The following CLTCL1 variants were observed in gnomAD, a reference collection of about 807,000 sequenced individuals.
CLTCL1 encodes the protein clathrin heavy chain 2.
CLTCL1 carries 159 observed loss-of-function variants against 190.0 expected under a neutral mutation model. The ratio of observed to expected loss-of-function variants is 0.84; its 90% confidence interval spans 0.74 to 0.95. The LOEUF is 0.95. Ranked by LOEUF, CLTCL1 falls within the 40% of genes least tolerant of loss-of-function variation. The pLI, the probability that CLTCL1 is intolerant of heterozygous loss-of-function variation, is 0.00. For missense variants in CLTCL1, 1,878 were observed against 2,033.4 expected, an observed-to-expected ratio of 0.92 and a Z score of 1.47; for synonymous variants, 752 against 769.6, an observed-to-expected ratio of 0.98 and a Z score of 0.38.
chr22:19,203,446 CCT>C (rs1252809440), intron 22 of CLTCL1, among the ~76,000 whole-genome samples: 4 of 152,198 alleles, frequency 2.6e-5, no homozygotes, highest in Non-Finnish European at 5.9e-5. Flanking sequence ...ACAGTTGTCC[CCT>C]GTCTTCCTAT....
Position 19,180,137 on chromosome 22 carries a change from G to T in CLTCL1, c.*20+62C>A, listed in dbSNP as rs555970939. ...GCAGGCATCCAGAGGCAAGGAGCGT[G>T]GGGTCAGCCAGAGAACCTGGCCTGG... On this transcript the variant is annotated intron_variant, in intron 32 of 32. Transcript: ENST00000427926. The T allele has an allele frequency of 5.0e-5, 72 of 1,447,880 alleles. No homozygotes were observed. In the African/African-American group the frequency reaches 9.5e-4, roughly 19 times the overall value. The allele number at this position is 1,447,880 out of a possible 1,614,324, so 89.7% of individuals were successfully genotyped here. A position where few individuals can be genotyped will look rare whatever the true frequency, so the allele number is the denominator to read the frequency against.
At chr22:19,277,232 G>A (rs1305017786) in intron 1 of CLTCL1, among the ~76,000 whole-genome samples, 2 of 152,144 alleles carry the variant, frequency 1.3e-5, no homozygotes, top group Non-Finnish European at 2.9e-5. Context: ...GCTGCTGAGT[G>A]GAGCAGGCTA....
chr22:19,250,222 C>T (rs543476845), intron 3 of CLTCL1, among the ~76,000 whole-genome samples: 9 of 151,950 alleles, frequency 5.9e-5, no homozygotes, highest in Admixed American at 2.6e-4. Context: ...CCACTGCACT[C>T]CAGCCTGGGT....
chr22:19,207,797 G>C (rs2085098386), intron 22 of CLTCL1: 4 of 597,354 alleles, frequency 6.7e-6, no homozygotes, highest in African/African-American at 1.9e-5. Flanking sequence ...GCGAGGATCT[G>C]TGTTGCATGC....
At chr22:19,216,347 A>G in intron 18 of CLTCL1, 91 bp from the exon 19 acceptor site, 2 of 1,220,772 alleles carry the variant, frequency 1.6e-6, no homozygotes, top group South Asian at 2.8e-5. Flanking sequence ...CTCCTCCAAG[A>G]TGGTCTGGAA....
At chr22:19,258,233 G>T in intron 2 of CLTCL1, 1 of 342,774 alleles carries the variant, frequency 2.9e-6, no homozygotes. Flanking sequence ...GGAGGCAGAT[G>T]TCCAAATATC....
Position 19,231,101 on chromosome 22 carries a change from C to T in CLTCL1, c.1645-1126G>A, listed in dbSNP as rs117526936. On this transcript the variant is annotated intron_variant, in intron 10 of 32. Transcript: ENST00000427926. ...ACTGAGAGTTACGCCTTCAGCTTCCCTGGTTCTGAGGCTTTCAAACTTAGA... is the reference window on the plus strand; with the variant it reads ...ACTGAGAGTTACGCCTTCAGCTTCCTTGGTTCTGAGGCTTTCAAACTTAGA... Among the ~76,000 whole-genome samples, 1,432 of 152,284 alleles carry T rather than the reference C, an allele frequency of 9.4e-3. 35 individuals carry two copies. The highest frequency in any genetic ancestry group is 0.068 in the East Asian group (353 of 5,178).
chr22:19,202,650 T>G (rs527782018), intron 22 of CLTCL1, among the ~76,000 whole-genome samples: 32 of 145,698 alleles, frequency 2.2e-4, no homozygotes, highest in African/African-American at 7.4e-4. Flanking sequence ...CCATGGCACC[T>G]CTTGTACCAC....
intron 18 of CLTCL1, among the ~76,000 whole-genome samples, chr22:19,217,615 C>CAAAAAAAAA (rs71184793): frequency 2.9e-5 from 1 of 34,770 alleles, no homozygotes; most frequent in Non-Finnish European, 5.6e-5. Flanking sequence ...GACTCTGTCT[C>CAAAAAAAAA]AAAAAAAAAA....
chr22:19,279,703 C>T (rs2087639550), intron 1 of CLTCL1, among the ~76,000 whole-genome samples: 2 of 152,210 alleles, frequency 1.3e-5, no homozygotes, highest in African/African-American at 4.8e-5. Context: ...AGTCCCCTAC[C>T]CCAAGCCTTT....
Position 19,221,960 on chromosome 22 carries a change from T to C in CLTCL1, c.2552A>G (p.Lys851Arg), listed in dbSNP as rs1555952746. The C allele has an allele frequency of 6.2e-7, 1 of 1,613,796 alleles. No individual in the cohort carries two copies. The highest frequency in any genetic ancestry group is 1.3e-5 in the African/African-American group (1 of 74,914). Residue 851 changes from lysine (K) to arginine (R), a missense_variant, in exon 16 of 33, where the codon AAA (lysine) becomes AGA (arginine). Transcript: ENST00000427926. ...AGTAAGGACACCTTACCTATTTCTTTTTTCTACTTCAGCCACCAACTCATC... is the reference window on the plus strand; with the variant it reads ...AGTAAGGACACCTTACCTATTTCTTCTTTCTACTTCAGCCACCAACTCATC... ...STDELVAEVE[K>R]RNRLKLLLPW...
intron 11 of CLTCL1, among the ~76,000 whole-genome samples, chr22:19,228,812 A>T (rs1555957424): frequency 1.3e-5 from 2 of 152,220 alleles, no homozygotes; most frequent in Non-Finnish European, 2.9e-5. Flanking sequence ...TAGCACAGAC[A>T]TGTGATTTGA....
At chr22:19,199,154 T>TA (rs539347100) in intron 24 of CLTCL1, among the ~76,000 whole-genome samples, 51 of 152,232 alleles carry the variant, frequency 3.4e-4, no homozygotes, top group Admixed American at 7.2e-4. Flanking sequence ...TGACTAACCA[T>TA]ACCTGGAGTT....
chr22:19,196,131 GACTCAT>G lies in CLTCL1; in HGVS notation c.4191+129_4191+134del, dbSNP rs1231382974. 37 of 833,546 alleles carry G rather than the reference GACTCAT, an allele frequency of 4.4e-5. No individual in the cohort carries two copies. The Middle Eastern group carries it at 1.1e-3, about 24-fold the overall frequency. The allele number at this position is 833,546 out of a possible 1,614,324, so 51.6% of individuals were successfully genotyped here. Reference sequence around the variant, plus strand: ...ACTACCATCTGCCCAGAGGGTGGTGGACTCATACAAGTGAACGCACACACAGCATGG... The same window carrying G: ...ACTACCATCTGCCCAGAGGGTGGTGGACAAGTGAACGCACACACAGCATGG... On this transcript the variant is annotated intron_variant, in intron 26 of 32. Transcript: ENST00000427926.
At chr22:19,199,602 C>T in intron 24 of CLTCL1, 132 bp downstream of exon 24, 1 of 610,420 alleles carries the variant, frequency 1.6e-6, no homozygotes, top group Non-Finnish European at 2.8e-6. Flanking sequence ...TGAATCTTCC[C>T]CTCAGGGCCA....
At chr22:19,211,659 G>C (rs1003518803) in intron 19 of CLTCL1, among the ~76,000 whole-genome samples, 4 of 151,584 alleles carry the variant, frequency 2.6e-5, no homozygotes, top group Non-Finnish European at 5.9e-5. Context: ...CCCAGCTACT[G>C]GGGAGGCTGA....
intron 2 of CLTCL1, chr22:19,258,792 G>T: frequency 1.5e-6 from 1 of 687,492 alleles, no homozygotes; most frequent in Admixed American, 1.9e-5. Flanking sequence ...CGACACCAAA[G>T]TTCTGAGGAA....
intron 29 of CLTCL1, 65 bp downstream of exon 29, chr22:19,187,493 C>G: frequency 6.5e-7 from 1 of 1,540,776 alleles, no homozygotes; most frequent in Non-Finnish European, 8.8e-7. Flanking sequence ...GGGATGTGAC[C>G]CCCAAAGCCA....
chr22:19,191,098 AAC>A (rs2084487509), intron 27 of CLTCL1, among the ~76,000 whole-genome samples: 1 of 152,230 alleles, frequency 6.6e-6, no homozygotes, highest in Admixed American at 6.5e-5. Flanking sequence ...TCTTTAAAAA[AAC>A]ACAGAATTTG....
Sources: gnomAD v4.1 joint callset for allele counts (sites outside exome capture counted in the v4.1 genomes callset) on GRCh38, gnomAD v4.1.1 for gene constraint, MANE v1.5 for transcripts, NCBI Gene and HGNC (gene_info 2026-07-23, HGNC 2026-07-21) for gene names.